ANKRD54: variants seen among roughly 807,000 people sequenced by gnomAD.
ANKRD54 encodes the protein ankyrin repeat domain 54.
Under a neutral mutation model 36.2 loss-of-function variants are expected in ANKRD54, and 26 were observed. The observed-to-expected ratio is 0.72, with a 90% CI of 0.53 to 1.00. The LOEUF is 1.00. ANKRD54 is among the 50% of genes least tolerant of loss of function. ANKRD54 has a pLI of 0.00. For missense variants in ANKRD54, 384 were observed against 424.3 expected, an observed-to-expected ratio of 0.91 and a Z score of 0.83; for synonymous variants, 209 against 188.4, an observed-to-expected ratio of 1.11 and a Z score of -0.89.
rs1420270513 is a variant in ANKRD54, at chr22:37,838,489, C to T, written c.475+11G>A. 1.9e-6 allele frequency: 3 copies of T among 1,607,636 alleles called. No individual in the cohort carries two copies. In the African/African-American group the frequency reaches 4.0e-5, roughly 22 times the overall value. ...CCTAGCCCTACTCCCTCCTCCCTCCCCAGGACTCACCAATCTGGTCATTGC... is the reference window on the plus strand; with the variant it reads ...CCTAGCCCTACTCCCTCCTCCCTCCTCAGGACTCACCAATCTGGTCATTGC... On this transcript the variant is annotated intron_variant, in intron 3 of 7. Transcript: ENST00000215941.
chr22:37,832,627 TGC>T lies in ANKRD54; in HGVS notation c.828+8_828+9del, dbSNP rs368089694. 1,454 of 1,613,722 alleles carry T rather than the reference TGC, an allele frequency of 9.0e-4. 15 individuals are homozygous for T. In the African/African-American group the frequency reaches 0.016, roughly 17 times the overall value. ...CAGGCCCTGGGTCTGGGCCTGTGGC[TGC>T]AGCTCACCTGCTCTTTGGTACTGGT... On this transcript the variant is annotated splice_region_variant and intron_variant, in intron 7 of 7. Coordinates refer to ENST00000215941, the MANE Select transcript of ANKRD54 (RefSeq NM_138797.4).
chr22:37,843,876 C>T lies in ANKRD54; in HGVS notation c.328+35G>A, dbSNP rs1924597768. ...GGCCCCGCCCCTCGCCCGGGCTGCC[C>T]CGCCCCGGGCCCCCGCGCCGCTCGC... is the stretch of plus-strand genomic sequence containing the variant. On this transcript the variant is annotated intron_variant, in intron 1 of 7. Transcript: ENST00000215941. 3 of 1,196,808 alleles carry T rather than the reference C, an allele frequency of 2.5e-6. No homozygotes were observed. The South Asian group carries it at 1.2e-4, about 48-fold the overall frequency. The allele number at this position is 1,196,808 out of a possible 1,614,324, so 74.1% of individuals were successfully genotyped here.
intron 3 of ANKRD54, among the ~76,000 whole-genome samples, chr22:37,836,848 G>A (rs1256166661): frequency 6.6e-6 from 1 of 151,922 alleles, no homozygotes; most frequent in Non-Finnish European, 1.5e-5. Context: ...GGCCAACATG[G>A]TGAAACCCTG....
rs755484030 is a variant in ANKRD54, at chr22:37,832,713, C to T, written c.752G>A (p.Arg251His). The T allele has an allele frequency of 4.5e-5, 73 of 1,614,010 alleles. No homozygotes were observed. The highest frequency in any genetic ancestry group is 5.5e-5 in the Non-Finnish European group (65 of 1,180,024). ...IIHMLREYLERLGQHEQRERL... is the reference protein window; with the variant it reads ...IIHMLREYLEHLGQHEQRERL... The stretch of plus-strand genomic sequence containing the variant: ...TTCTCGCTGCTCATGTTGCCCTAGG[C>T]GCTCCAGATACTCCCTCAGCATATG... The change falls in exon 7 of 8, where the codon CGC (arginine) becomes CAC (histidine). Residue 251 changes from arginine to histidine, a missense_variant. Coordinates refer to ENST00000215941, the MANE Select transcript of ANKRD54 (RefSeq NM_138797.4).
At chr22:37,843,455 A>T (rs1049713051) in intron 1 of ANKRD54, among the ~76,000 whole-genome samples, 24 of 152,084 alleles carry the variant, frequency 1.6e-4, no homozygotes, top group Non-Finnish European at 2.9e-4. Context: ...AAATAAAAAT[A>T]AAAAAATTTA....
rs927580446 is a variant in ANKRD54 at position 37,832,629 on chromosome 22, C to T, written c.828+8G>A. On this transcript the variant is annotated splice_region_variant and intron_variant, in intron 7 of 7. Transcript: ENST00000215941. ...GGCCCTGGGTCTGGGCCTGTGGCTGCAGCTCACCTGCTCTTTGGTACTGGT... is the reference window on the plus strand; with the variant it reads ...GGCCCTGGGTCTGGGCCTGTGGCTGTAGCTCACCTGCTCTTTGGTACTGGT... 3.1e-6 allele frequency: 5 copies of T among 1,610,772 alleles called. No individual in the cohort carries two copies. The African/African-American group carries it at 5.5e-5, about 18-fold the overall frequency.
At chr22:37,836,686 T>C (rs1003681047) in intron 3 of ANKRD54, among the ~76,000 whole-genome samples, 5 of 151,330 alleles carry the variant, frequency 3.3e-5, no homozygotes, top group African/African-American at 9.7e-5. Flanking sequence ...GGTGTACCTA[T>C]GTAACGAACC....
Position 37,833,196 on chromosome 22 carries a change from G to A in ANKRD54, c.558C>T (p.Thr186=). The change falls in exon 5 of 8, where the codon ACC becomes ACT. Residue 186 remains threonine, a synonymous_variant. Transcript: ENST00000215941. ...GTGTGGTGATGACAGGAACGTGGTT[G>A]GTGCAGGCCGCTGAGGAAGAACAAC... ...GNTPLHLAAC[T]NHVPVITTLL... The A allele has an allele frequency of 6.2e-7, 1 of 1,613,664 alleles. No homozygotes were observed. The highest frequency in any genetic ancestry group is 8.5e-7 in the Non-Finnish European group (1 of 1,179,992).
upstream of ANKRD54, chr22:37,849,229 T>A (rs1036328534): frequency 3.1e-5 from 19 of 605,216 alleles, no homozygotes; most frequent in Non-Finnish European, 5.7e-5. Flanking sequence ...CAGCCTCAGG[T>A]GATCCGCCCG....
chr22:37,832,806 C>A (rs992977605), intron 6 of ANKRD54, 62 bp from the exon 7 acceptor site: 11 of 1,606,604 alleles, frequency 6.8e-6, no homozygotes, highest in Non-Finnish European at 8.5e-6. Context: ...GCTGATGCTG[C>A]TTCCAAAAAG....
At chr22:37,833,854 A>C in intron 3 of ANKRD54, 99 bp from the exon 4 acceptor site, 5 of 1,025,136 alleles carry the variant, frequency 4.9e-6, no homozygotes, top group Non-Finnish European at 5.9e-6. Context: ...AGTAGGGGAC[A>C]CGGAATGCAA....
upstream of ANKRD54, among the ~76,000 whole-genome samples, chr22:37,846,998 C>T (rs1164842587): frequency 3.7e-4 from 55 of 150,114 alleles, no homozygotes; most frequent in South Asian, 9.0e-3. Context: ...GGACTACAGG[C>T]GCCCGCCACT....
Position 37,831,199 on chromosome 22 carries a change from A to G in ANKRD54, c.*744T>C, listed in dbSNP as rs1922835720. 6.6e-6 allele frequency: 1 copy of G among 152,252 alleles called. No individual in the cohort carries two copies. Among genetic ancestry groups the G allele is most frequent in the Non-Finnish European group, 1.5e-5 (1 of 68,064 alleles). The allele number at this position is 152,252 out of a possible 1,614,324, so 9.4% of individuals were successfully genotyped here. A position where few individuals can be genotyped will look rare whatever the true frequency, so the allele number is the denominator to read the frequency against. On this transcript the variant is annotated 3_prime_UTR_variant, in exon 8 of 8. Coordinates refer to ENST00000215941, the MANE Select transcript of ANKRD54 (RefSeq NM_138797.4). ...TTACATCTGCAAAGCCCCTTTGGCCATACAAGGTAATTTTGACAGGTTCCT... is the reference window on the plus strand; with the variant it reads ...TTACATCTGCAAAGCCCCTTTGGCCGTACAAGGTAATTTTGACAGGTTCCT...
At position 37,844,148 on chromosome 22, in the gene ANKRD54, T is replaced by A; in HGVS notation, c.91A>T (p.Thr31Ser). ...AAGGAGAAGAGGCCCTCAGCGTCAGTCAGCGGCTCCGGCGCCACCGCGCAC... is the reference window on the plus strand; with the variant it reads ...AAGGAGAAGAGGCCCTCAGCGTCAGACAGCGGCTCCGGCGCCACCGCGCAC... ...GECAVAPEPL[T>S]DAEGLFSFAD... The change falls in exon 1 of 8, where the codon ACT becomes TCT. Residue 31 changes from threonine to serine, a missense_variant. Coordinates refer to ENST00000215941, the MANE Select transcript of ANKRD54 (RefSeq NM_138797.4). The A allele has an allele frequency of 6.7e-7, 1 of 1,497,236 alleles. No individual in the cohort carries two copies. Among genetic ancestry groups the A allele is most frequent in the Non-Finnish European group, 8.8e-7 (1 of 1,130,434 alleles). The allele number at this position is 1,497,236 out of a possible 1,614,324, so 92.7% of individuals were successfully genotyped here.
chr22:37,847,000 C>T (rs1924874643), upstream of ANKRD54, among the ~76,000 whole-genome samples: 1 of 145,954 alleles, frequency 6.9e-6, no homozygotes, highest in Non-Finnish European at 1.5e-5. Context: ...ACTACAGGCG[C>T]CCGCCACTAC....
chr22:37,832,075 T>C, intron 7 of ANKRD54, 58 bp from the exon 8 acceptor site: 1 of 1,520,616 alleles, frequency 6.6e-7, no homozygotes, highest in East Asian at 2.4e-5. Flanking sequence ...GGCTCCTGGG[T>C]CTCTTCCACA....
In ANKRD54 at chr22:37,831,654, C is replaced by G; in HGVS notation, c.*289G>C. On this transcript the variant is annotated 3_prime_UTR_variant, in exon 8 of 8. Coordinates refer to ENST00000215941, the MANE Select transcript of ANKRD54 (RefSeq NM_138797.4). ...GGGCAAGTGAGGTCTGCTGAGATAG[C>G]GCAGGTCTGCGGAGCTGAAGTGCAG... 1 of 467,398 alleles carries G rather than the reference C, an allele frequency of 2.1e-6. No individual in the cohort carries two copies. The highest frequency in any genetic ancestry group is 2.7e-5 in the South Asian group (1 of 36,808). The allele number at this position is 467,398 out of a possible 1,614,324, so 29.0% of individuals were successfully genotyped here. A position where few individuals can be genotyped will look rare whatever the true frequency, so the allele number is the denominator to read the frequency against.
chr22:37,844,704 G>A (rs564806318), upstream of ANKRD54, among the ~76,000 whole-genome samples: 1 of 152,160 alleles, frequency 6.6e-6, no homozygotes, highest in East Asian at 1.9e-4. Context: ...CGAGTAGCTG[G>A]GACTACAGGC....
intron 1 of ANKRD54, 180 bp downstream of exon 1, chr22:37,843,731 A>C (rs1292540564): frequency 2.9e-6 from 1 of 345,004 alleles, no homozygotes; most frequent in African/African-American, 2.2e-5. Flanking sequence ...TTTCTAAAAA[A>C]ACCATCATCA....
Sources: allele counts gnomAD v4.1 joint callset (sites outside exome capture counted in the v4.1 genomes callset), GRCh38; gene constraint gnomAD v4.1.1; transcripts MANE v1.5; gene names NCBI Gene and HGNC (gene_info 2026-07-23, HGNC 2026-07-21).